Variants in NCR1 observed in about 807,000 individuals in gnomAD.
NCR1 encodes NK cell-activating receptor.
NCR1 carries 30 observed loss-of-function variants against 32.5 expected under a neutral mutation model. The observed-to-expected ratio is 0.92, with a 90% CI of 0.69 to 1.25. NCR1 has a LOEUF of 1.25. NCR1 is among the 50% of genes most tolerant of loss of function. The pLI, the probability that NCR1 is intolerant of heterozygous loss-of-function variation, is 0.00. For synonymous variants in NCR1, 169 were observed against 143.4 expected (o/e 1.18, Z -1.28); for missense variants, 369 against 380.7 (o/e 0.97, Z 0.26).
At position 54,912,676 on chromosome 19, in the gene NCR1, T is replaced by C; in HGVS notation, c.734-14T>C. 2 of 1,553,658 alleles carry C rather than the reference T, an allele frequency of 1.3e-6. No homozygotes were observed. Among genetic ancestry groups the C allele is most frequent in the Admixed American group, 3.6e-5 (2 of 55,738 alleles). On this transcript the variant is annotated splice_polypyrimidine_tract_variant and intron_variant, in intron 6 of 6. Transcript: ENST00000291890. ...ACATCCCTGTCAGCGATCACCCTGT[T>C]CTCCTGCCTACAGACCATGCCCTCT... is the stretch of plus-strand genomic sequence containing the variant.
chr19:54,935,588 C>T, the NCR1 span, among the ~76,000 whole-genome samples: 30 of 94,318 alleles, frequency 3.2e-4, no homozygotes, highest in African/African-American at 1.3e-3. Context: ...CCCAGCTACT[C>T]GGGAAGCTGA....
downstream of NCR1, among the ~76,000 whole-genome samples, chr19:54,915,382 C>T (rs1246843342): frequency 6.6e-6 from 1 of 152,132 alleles, no homozygotes; most frequent in East Asian, 1.9e-4. Context: ...TGGGTCCTCA[C>T]GCCCTCCCAT....
the NCR1 span, among the ~76,000 whole-genome samples, chr19:54,922,963 G>C: frequency 1.3e-5 from 2 of 149,380 alleles, no homozygotes; most frequent in Admixed American, 6.7e-5. Context: ...GAGACACACA[G>C]AGACAGAGAG....
At chr19:54,902,222 G>C (rs191774126), upstream of NCR1, among the ~76,000 whole-genome samples, 14 of 152,224 alleles carry the variant, frequency 9.2e-5, no homozygotes, top group East Asian at 2.5e-3. Context: ...CGGGGAGAGA[G>C]GGAGAGGGAG....
the NCR1 span, among the ~76,000 whole-genome samples, chr19:54,927,111 G>A: frequency 4.1e-5 from 6 of 144,854 alleles, no homozygotes; most frequent in East Asian, 4.3e-4. Context: ...CAAAAAGGCC[G>A]GGTGCAATGG....
At chr19:54,900,331 G>A in the NCR1 span, among the ~76,000 whole-genome samples, 2,829 of 152,226 alleles carry the variant, frequency 0.019, 56 homozygotes, top group Admixed American at 0.03. Context: ...GATTTGGGTA[G>A]GTAAAGGAAA....
downstream of NCR1, among the ~76,000 whole-genome samples, chr19:54,919,628 A>C (rs1337879949): frequency 6.6e-6 from 1 of 151,796 alleles, no homozygotes; most frequent in African/African-American, 2.4e-5. Flanking sequence ...GCCTCCGGAT[A>C]ACTGCGGGCG....
downstream of NCR1, among the ~76,000 whole-genome samples, chr19:54,915,066 A>G (rs554649737): frequency 6.6e-6 from 1 of 151,876 alleles, no homozygotes; most frequent in African/African-American, 2.4e-5. Flanking sequence ...CCTCATCCCA[A>G]AGCACCTGTT....
chr19:54,903,374 A>ATGTATACATGCATG (rs1569535556), upstream of NCR1, among the ~76,000 whole-genome samples: 3 of 127,178 alleles, frequency 2.4e-5, 1 homozygote, highest in Admixed American at 2.4e-4. Context: ...ATGTATATAT[A>ATGTATACATGCATG]CATGTATGTA....
chr19:54,937,397 A>G, the NCR1 span, among the ~76,000 whole-genome samples: 1 of 151,928 alleles, frequency 6.6e-6, no homozygotes, highest in Non-Finnish European at 1.5e-5. Context: ...CAAACCAAAA[A>G]AAAGATAGCT....
rs1443286712 is a variant in NCR1, at chr19:54,906,807, G to A, written c.355G>A (p.Glu119Lys). The change falls in exon 3 of 7, where the codon GAA becomes AAA. Residue 119 changes from glutamate to lysine, a missense_variant and splice_region_variant. Glu to Lys is a moderately conservative substitution (Grantham distance 56). Coordinates refer to ENST00000291890, the MANE Select transcript of NCR1 (RefSeq NM_004829.7). Reference protein sequence around the residue: ...PSNLLDLVVTEMYDTPTLSVH... With the variant: ...PSNLLDLVVTKMYDTPTLSVH... Reference sequence around the variant, plus strand: ...CAACTTGCTGGATCTGGTGGTAACAGGTAACTGTCCGGTTCTCTAACTGGA... The same window carrying A: ...CAACTTGCTGGATCTGGTGGTAACAAGTAACTGTCCGGTTCTCTAACTGGA... The A allele has an allele frequency of 1.2e-6, 2 of 1,613,846 alleles. No homozygotes were observed. Among genetic ancestry groups the A allele is most frequent in the African/African-American group, 2.7e-5 (2 of 74,926 alleles).
rs376390297 is a variant in NCR1, at chr19:54,912,672, C to T, written c.734-18C>T. The T allele has an allele frequency of 1.9e-6, 3 of 1,543,674 alleles. No individual in the cohort carries two copies. In the African/African-American group the frequency reaches 4.1e-5, roughly 21 times the overall value. ...CCTTACATCCCTGTCAGCGATCACC[C>T]TGTTCTCCTGCCTACAGACCATGCC... On this transcript the variant is annotated intron_variant, in intron 6 of 6. Transcript: ENST00000291890.
downstream of NCR1, among the ~76,000 whole-genome samples, chr19:54,914,117 C>T (rs146481359): frequency 5.4e-5 from 8 of 148,944 alleles, no homozygotes; most frequent in South Asian, 1.7e-3. Context: ...TGCATCCCAA[C>T]CATACCCCAA....
At position 54,912,599 on chromosome 19, in the gene NCR1, CAAAAAAAAAAAAAAAAAAAAAAAAAAAAA is replaced by C. The variant is rs60025694; in HGVS notation, c.734-80_734-52del. The C allele has an allele frequency of 1.1e-5, 4 of 375,302 alleles. No individual in the cohort carries two copies. The African/African-American group carries it at 1.2e-4, about 12-fold the overall frequency. The allele number at this position is 375,302 out of a possible 1,614,324, so 23.2% of individuals were successfully genotyped here. A position where few individuals can be genotyped will look rare whatever the true frequency, so the allele number is the denominator to read the frequency against. On this transcript the variant is annotated intron_variant, in intron 6 of 6. Coordinates refer to ENST00000291890, the MANE Select transcript of NCR1 (RefSeq NM_004829.7). The stretch of plus-strand genomic sequence containing the variant: ...GGGCGACAAGACTGAGGCTCTGTCT[CAAAAAAAAAAAAAAAAAAAAAAAAAAAAA>C]AAAAAAAAAAGAGGGTGTCCTTACA...
the NCR1 span, among the ~76,000 whole-genome samples, chr19:54,922,113 G>C: frequency 1.3e-5 from 2 of 151,914 alleles, no homozygotes; most frequent in Admixed American, 1.3e-4. Context: ...GGCTGGTCTC[G>C]AACTCCTGAC....
the NCR1 span, among the ~76,000 whole-genome samples, chr19:54,932,653 G>GT: frequency 6.1e-4 from 92 of 151,080 alleles, 1 homozygote; most frequent in South Asian, 0.015. Context: ...TTTTTGTTGA[G>GT]TTTTTTTTTG....
chr19:54,903,785 A>G (rs1442679514), upstream of NCR1, among the ~76,000 whole-genome samples: 4 of 151,864 alleles, frequency 2.6e-5, no homozygotes, highest in Non-Finnish European at 5.9e-5. Flanking sequence ...CAACTTCTGC[A>G]TAGAATTTTT....
downstream of NCR1, among the ~76,000 whole-genome samples, chr19:54,915,577 G>A (rs12327595): frequency 0.095 from 14,429 of 152,116 alleles, 1,556 homozygotes; most frequent in African/African-American, 0.26. Flanking sequence ...ACTTGAACCC[G>A]GGAGGCAGAG....
upstream of NCR1, chr19:54,906,110 C>G: frequency 2.5e-6 from 4 of 1,587,026 alleles, no homozygotes; most frequent in Non-Finnish European, 3.5e-6. Flanking sequence ...GCTCACCCAC[C>G]ACTTCCTGTG....
Sources: allele counts gnomAD v4.1 joint callset (sites outside exome capture counted in the v4.1 genomes callset), GRCh38; gene constraint gnomAD v4.1.1; transcripts MANE v1.5; gene names NCBI Gene and HGNC (gene_info 2026-07-23, HGNC 2026-07-21).